The following ZPBP2 variants were observed in gnomAD, a reference collection of about 807,000 sequenced individuals.
The protein encoded by ZPBP2 is zona pellucida-binding protein 2.
A neutral mutation model predicts 37.5 loss-of-function variants in ZPBP2; 34 were observed. The ratio of observed to expected loss-of-function variants is 0.91; its 90% CI spans 0.69 to 1.21. The LOEUF (loss-of-function observed/expected upper bound fraction) is 1.21. Among genes scored for constraint, ZPBP2 ranks in the 50% most tolerant of loss-of-function variants. The pLI is 0.00. For synonymous variants in ZPBP2, 143 were observed against 138.4 expected, an observed-to-expected ratio of 1.03 and a Z score of -0.23; for missense variants, 397 against 413.5, an observed-to-expected ratio of 0.96 and a Z score of 0.35.
intron 2 of ZPBP2, among the ~76,000 whole-genome samples, chr17:39,870,138 G>A (rs1246157457): frequency 1.3e-5 from 2 of 152,238 alleles, no homozygotes; most frequent in Non-Finnish European, 2.9e-5. Context: ...CTGCCTCCCG[G>A]GTTCAAGCAA....
chr17:39,871,742 A>G, intron 4 of ZPBP2, 117 bp downstream of exon 4: 1 of 819,810 alleles, frequency 1.2e-6, no homozygotes, highest in Non-Finnish European at 1.8e-6. Context: ...ATTATGACTT[A>G]CAAAATATTT....
rs1302420017 is a variant in ZPBP2, at chr17:39,868,224, G to T, written c.-131G>T. The T allele has an allele frequency of 3.0e-6, 3 of 1,007,462 alleles. No homozygotes were observed. The highest frequency in any genetic ancestry group is 4.3e-6 in the Non-Finnish European group (3 of 701,044). The allele number at this position is 1,007,462 out of a possible 1,614,324, so 62.4% of individuals were successfully genotyped here. A position where few individuals can be genotyped will look rare whatever the true frequency, so the allele number is the denominator to read the frequency against. ...CCTGCGCGTCCGCTCCCGCCGTTGC[G>T]ACGGACGGGTAGGGGAGGCGACCCC... On this transcript the variant is annotated 5_prime_UTR_variant, in exon 1 of 8. Coordinates refer to ENST00000348931, the MANE Select transcript of ZPBP2 (RefSeq NM_199321.3).
At chr17:39,875,501 C>T (rs1258950351) in intron 7 of ZPBP2, 67 bp downstream of exon 7, 3 of 1,124,616 alleles carry the variant, frequency 2.7e-6, no homozygotes, top group East Asian at 2.8e-5. Context: ...AAGTAATTCA[C>T]TTGGCATAAC....
intron 2 of ZPBP2, 49 bp downstream of exon 2, chr17:39,868,663 C>T: frequency 6.2e-7 from 1 of 1,605,708 alleles, no homozygotes; most frequent in East Asian, 2.2e-5. Flanking sequence ...GCCGGAACTG[C>T]GAAGCTCTTC....
chr17:39,876,580 G>A (rs2063391613), intron 7 of ZPBP2, 102 bp from the exon 8 acceptor site: 17 of 1,322,106 alleles, frequency 1.3e-5, no homozygotes, highest in Non-Finnish European at 1.7e-5. Flanking sequence ...GAAATGGTAT[G>A]ATATTAAAGG....
At chr17:39,868,652 G>T (rs2063347470) in intron 2 of ZPBP2, 38 bp downstream of exon 2, 2 of 1,611,900 alleles carry the variant, frequency 1.2e-6, no homozygotes, top group East Asian at 4.5e-5. Context: ...CCATTGGAGG[G>T]GCCGGAACTG....
At chr17:39,871,810 T>C (rs1423018267) in intron 4 of ZPBP2, among the ~76,000 whole-genome samples, 185 bp downstream of exon 4, 1 of 152,180 alleles carries the variant, frequency 6.6e-6, no homozygotes, top group Admixed American at 6.5e-5. Flanking sequence ...TTATCCTAAA[T>C]AATCTTCTTT....
In ZPBP2 at chr17:39,873,084, A is replaced by G. The variant is rs148845221; in HGVS notation, c.666A>G (p.Gly222=). ...FAPGWKGACN[G]SVDCEDTTNH... Reference sequence around the variant, plus strand: ...CGGGGTGGAAAGGTGCTTGCAATGGATCTGTTGACTGTGAAGATACCACTA... The same window carrying G: ...CGGGGTGGAAAGGTGCTTGCAATGGGTCTGTTGACTGTGAAGATACCACTA... Residue 222 remains glycine, a synonymous_variant, in exon 6 of 8, where the codon GGA becomes GGG. Coordinates refer to ENST00000348931, the MANE Select transcript of ZPBP2 (RefSeq NM_199321.3). The G allele has an allele frequency of 6.5e-5, 105 of 1,611,932 alleles. No homozygotes were observed. Among genetic ancestry groups the G allele is most frequent in the Non-Finnish European group, 8.7e-5 (103 of 1,179,190 alleles).
At chr17:39,870,924 G>T (rs1439959651) in intron 3 of ZPBP2, 105 bp downstream of exon 3, 1 of 1,009,890 alleles carries the variant, frequency 9.9e-7, no homozygotes, top group African/African-American at 1.6e-5. Context: ...TTTAATGGCA[G>T]TTTCTCTTGC....
At chr17:39,869,624 C>G (rs554814912) in intron 2 of ZPBP2, among the ~76,000 whole-genome samples, 1 of 150,232 alleles carries the variant, frequency 6.7e-6, no homozygotes, top group South Asian at 2.1e-4. Flanking sequence ...AGGCTGGTCT[C>G]GAACTTCTGA....
chr17:39,875,365 C>A lies in ZPBP2; in HGVS notation c.820C>A (p.Arg274Ser), dbSNP rs775257849. ...TGTGGACCACAGTTTGCAAGTAGTACGTCTGGATAGCTGTCGACCAGGCTT... is the reference window on the plus strand; with the variant it reads ...TGTGGACCACAGTTTGCAAGTAGTAAGTCTGGATAGCTGTCGACCAGGCTT... ...HFVDHSLQVV[R>S]LDSCRPGFGK... Residue 274 changes from arginine (R) to serine (S), a missense_variant, in exon 7 of 8, where the codon CGT becomes AGT. By Grantham distance (110) the Arg-to-Ser change is moderately radical. Coordinates refer to ENST00000348931, the MANE Select transcript of ZPBP2 (RefSeq NM_199321.3). 11 of 1,614,060 alleles carry A rather than the reference C, an allele frequency of 6.8e-6. No individual in the cohort carries two copies. Among genetic ancestry groups the A allele is most frequent in the Middle Eastern group, 3.3e-4 (2 of 6,062 alleles).
chr17:39,869,941 C>A (rs1017663435), intron 2 of ZPBP2, among the ~76,000 whole-genome samples: 1 of 149,660 alleles, frequency 6.7e-6, no homozygotes, highest in African/African-American at 2.5e-5. Context: ...TATTGAACTC[C>A]TGAGCTAGGT....
intron 1 of ZPBP2, 42 bp from the exon 2 acceptor site, chr17:39,868,507 C>T (rs780213703): frequency 1.2e-6 from 2 of 1,613,980 alleles, no homozygotes; most frequent in South Asian, 1.1e-5. Context: ...CTGAACCCTG[C>T]TCCTCTTCTA....
chr17:39,868,671 T>C, intron 2 of ZPBP2, 57 bp downstream of exon 2: 1 of 1,596,294 alleles, frequency 6.3e-7, no homozygotes, highest in Middle Eastern at 1.8e-4. Flanking sequence ...TGCGAAGCTC[T>C]TCCCGGAAGA....
At chr17:39,871,068 T>G (rs763451216) in intron 3 of ZPBP2, among the ~76,000 whole-genome samples, 4 of 152,110 alleles carry the variant, frequency 2.6e-5, no homozygotes, top group Non-Finnish European at 5.9e-5. Flanking sequence ...AACCTAAAAT[T>G]TATCATTGTA....
rs1598262984 is a variant in ZPBP2 at position 39,872,547 on chromosome 17, A to G, written c.625+59A>G. The stretch of plus-strand genomic sequence containing the variant: ...TAGTCCTGAACCATAATAGATTACA[A>G]AATTACCATATTAATATAAGATATT... On this transcript the variant is annotated intron_variant, in intron 5 of 7. Transcript: ENST00000348931. 14 of 1,074,116 alleles carry G rather than the reference A, an allele frequency of 1.3e-5. No homozygotes were observed. The East Asian group carries it at 3.4e-4, about 26-fold the overall frequency. The allele number at this position is 1,074,116 out of a possible 1,614,324, so 66.5% of individuals were successfully genotyped here. A position where few individuals can be genotyped will look rare whatever the true frequency, so the allele number is the denominator to read the frequency against.
In ZPBP2 at chr17:39,870,871, A is replaced by C. The variant is rs771459511; in HGVS notation, c.244+52A>C. ...TTTAATGATGTGAACATATTTTTAGAAAATCACTGTTACTTATTGGAAAGA... is the reference window on the plus strand; with the variant it reads ...TTTAATGATGTGAACATATTTTTAGCAAATCACTGTTACTTATTGGAAAGA... On this transcript the variant is annotated intron_variant, in intron 3 of 7. Transcript: ENST00000348931. The C allele has an allele frequency of 7.5e-6, 10 of 1,336,694 alleles. No homozygotes were observed. The East Asian group carries it at 1.3e-4, about 17-fold the overall frequency. 82.8% of individuals were successfully genotyped at this position (1,336,694 alleles called of 1,614,324 possible).
At chr17:39,870,861 A>C in intron 3 of ZPBP2, 42 bp downstream of exon 3, 1 of 1,404,632 alleles carries the variant, frequency 7.1e-7, no homozygotes, top group Non-Finnish European at 9.5e-7. Context: ...TGATGTGAAC[A>C]TATTTTTAGA....
intron 7 of ZPBP2, 113 bp downstream of exon 7, chr17:39,875,547 A>AAT (rs2063385572): frequency 1.3e-5 from 11 of 854,976 alleles, no homozygotes; most frequent in African/African-American, 1.7e-5. Context: ...CTTACCAAAA[A>AAT]ATATATATAT....
Sources: gnomAD v4.1 joint callset for allele counts (sites outside exome capture counted in the v4.1 genomes callset) on GRCh38, gnomAD v4.1.1 for gene constraint, MANE v1.5 for transcripts, NCBI Gene and HGNC (gene_info 2026-07-23, HGNC 2026-07-21) for gene names.